Variants in PARP10 observed in about 807,000 individuals in gnomAD.
PARP10 encodes protein mono-ADP-ribosyltransferase PARP10.
A neutral mutation model predicts 82.4 loss-of-function variants in PARP10; 56 were observed. That is an observed-to-expected ratio of 0.68 (90% confidence interval 0.55 to 0.85). The LOEUF is 0.85. PARP10 is among the 40% of genes least tolerant of loss of function. The pLI, the probability that PARP10 is intolerant of heterozygous loss-of-function variation, is 0.00. For missense variants in PARP10, 1,227 were observed against 1,379.4 expected (o/e 0.89, Z 1.75); for synonymous variants, 576 against 601.1 (o/e 0.96, Z 0.61).
At chr8:143,990,573 A>T (rs1270641681), upstream of PARP10, 21 of 104,306 alleles carry the variant, frequency 2.0e-4, no homozygotes, top group African/African-American at 7.7e-4. The surrounding 1 kb of genome is among the most constrained non-coding windows in gnomAD (Gnocchi z 5.6). Context: ...TCCATCCCCC[A>T]CACACCCCCG....
At chr8:144,003,962 G>A (rs1834219095) in intron 1 of PARP10, among the ~76,000 whole-genome samples, 1 of 151,992 alleles carries the variant, frequency 6.6e-6, no homozygotes, top group Admixed American at 6.6e-5. Flanking sequence ...TTGTGCCTGG[G>A]AGGCCGAGGC....
At chr8:143,986,305 A>C (rs782533879) in intron 1 of PARP10, 53 bp downstream of exon 1, 10 of 1,613,954 alleles carry the variant, frequency 6.2e-6, no homozygotes, top group Non-Finnish European at 8.5e-6. Flanking sequence ...GGCCCCTCCA[A>C]GGTGTGTCCT....
At chr8:143,985,382 G>C (rs782149106) in intron 4 of PARP10, 30 bp downstream of exon 4, 11 of 1,594,762 alleles carry the variant, frequency 6.9e-6, no homozygotes, top group Non-Finnish European at 9.4e-6. Flanking sequence ...GGAGAGGGAC[G>C]GTCGGCTGGG....
chr8:143,998,994 T>G (rs1156905520), intron 1 of PARP10, among the ~76,000 whole-genome samples: 1 of 113,124 alleles, frequency 8.8e-6, no homozygotes, highest in Non-Finnish European at 1.6e-5. Flanking sequence ...TAATTCTTTC[T>G]CCTTCCTTCC....
rs763400471 is a variant in PARP10, at chr8:144,005,891, C to T, written c.-80+6639G>A. 9.2e-5 allele frequency among the ~76,000 whole-genome samples: 14 copies of T among 152,166 alleles called. 1 individual carries two copies. The highest frequency in any genetic ancestry group is 1.9e-4 in the Non-Finnish European group (13 of 68,026). ...CCCGTCCCCTCCTCCACCTTCCGCA[C>T]GGAGCACAGACCACCACCACATTGA... On this transcript the variant is annotated intron_variant, in intron 1 of 3. Transcript: ENST00000530478.
chr8:143,991,016 G>A (rs1834083637), upstream of PARP10: 1 of 389,992 alleles, frequency 2.6e-6, no homozygotes, highest in Non-Finnish European at 4.6e-6. Context: ...CCACGGCGCC[G>A]CCCGTCCGGT....
At chr8:144,004,920 T>C (rs1834224502) in intron 1 of PARP10, among the ~76,000 whole-genome samples, 1 of 152,104 alleles carries the variant, frequency 6.6e-6, no homozygotes, top group African/African-American at 2.4e-5. Context: ...GGCTCATGCC[T>C]GTAATCCCAG....
rs567152229 is a variant in PARP10, at chr8:143,983,465, C to T, written c.2124G>A (p.Gln708=). ...GCTCAAAGGCCGAGTGCACCACCAG[C>T]TGGGCCTTGCCATCAGTCCCCCCAT... The part of the protein sequence containing the change: ...PPDGGTDGKA[Q]LVVHSAFEQD... The change falls in exon 8 of 11, where the codon CAG becomes CAA. Residue 708 remains glutamine, a synonymous_variant. Coordinates refer to ENST00000313028, the MANE Select transcript of PARP10 (RefSeq NM_032789.5). 50 of 1,606,748 alleles carry T rather than the reference C, an allele frequency of 3.1e-5. No homozygotes were observed. In the South Asian group the frequency reaches 5.0e-4, roughly 16 times the overall value.
chr8:143,985,988 G>A lies in PARP10; in HGVS notation c.182-13C>T, dbSNP rs367847333. The A allele has an allele frequency of 6.3e-7, 1 of 1,595,732 alleles. No homozygotes were observed. Among genetic ancestry groups the A allele is most frequent in the African/African-American group, 1.3e-5 (1 of 74,724 alleles). The stretch of plus-strand genomic sequence containing the variant: ...ACCCTCTCGGCGTCTGTGGGCAGGG[G>A]CGGGGCAGGATGTCAGGCATTAGAA... On this transcript the variant is annotated splice_polypyrimidine_tract_variant and intron_variant, in intron 2 of 10. Transcript: ENST00000313028.
In PARP10 at chr8:143,983,829, C is replaced by T; in HGVS notation, c.1778-18G>A. ...GACCTCCTCTGGGGGCAGGGAGAGGCCATTGGGTCAGGGGCTGGACCCAGG... is the reference window on the plus strand; with the variant it reads ...GACCTCCTCTGGGGGCAGGGAGAGGTCATTGGGTCAGGGGCTGGACCCAGG... On this transcript the variant is annotated intron_variant, in intron 7 of 10. Transcript: ENST00000313028. 1.9e-6 allele frequency: 3 copies of T among 1,557,274 alleles called. No homozygotes were observed. Among genetic ancestry groups the T allele is most frequent in the Non-Finnish European group, 2.6e-6 (3 of 1,150,906 alleles).
Position 143,986,143 on chromosome 8 carries a change from A to C in PARP10, c.93T>G (p.Phe31Leu), listed in dbSNP as rs1564253944. Reference sequence around the variant, plus strand: ...CCCCTCCAGAGCGTCGGCGGTTTTCAAAGTAGAGAGTGAGCAGCTCGTCGG... The same window carrying C: ...CCCCTCCAGAGCGTCGGCGGTTTTCCAAGTAGAGAGTGAGCAGCTCGTCGG... ...AVPDELLTLY[F>L]ENRRRSGGGP... The change falls in exon 2 of 11, where the codon TTT becomes TTG. Residue 31 changes from phenylalanine (F) to leucine (L), a missense_variant. Physicochemically the swap from Phe to Leu is conservative, Grantham distance 22. Transcript: ENST00000313028. The C allele has an allele frequency of 6.2e-7, 1 of 1,613,802 alleles. No individual in the cohort carries two copies. Among genetic ancestry groups the C allele is most frequent in the Admixed American group, 1.7e-5 (1 of 60,006 alleles).
chr8:143,992,236 C>T, upstream of PARP10: 1 of 1,604,050 alleles, frequency 6.2e-7, no homozygotes, highest in South Asian at 1.1e-5. Flanking sequence ...CTGTGTCTCC[C>T]AACTGCAGTC....
rs782309319 is a variant in PARP10 at position 143,984,114 on chromosome 8, G to C, written c.1681-10C>G. Reference sequence around the variant, plus strand: ...CCTCGGTAGGGTCCACCTGTAGGGAGAGGATGTCAGGACCACTAGCCTCTG... The same window carrying C: ...CCTCGGTAGGGTCCACCTGTAGGGACAGGATGTCAGGACCACTAGCCTCTG... On this transcript the variant is annotated splice_polypyrimidine_tract_variant and intron_variant, in intron 6 of 10. Transcript: ENST00000313028. The C allele has an allele frequency of 1.3e-6, 2 of 1,558,874 alleles. No individual in the cohort carries two copies. The highest frequency in any genetic ancestry group is 1.7e-6 in the Non-Finnish European group (2 of 1,151,298).
chr8:143,990,597 C>G (rs1834074058), upstream of PARP10: 1 of 152,330 alleles, frequency 6.6e-6, no homozygotes, highest in Non-Finnish European at 1.5e-5. This position sits in a 1 kb window ranked among gnomAD's most constrained non-coding sequence, Gnocchi z 5.6. Context: ...CCCGCTGTTC[C>G]CGGCGTACCC....
At chr8:144,004,012 G>GCAA (rs1277619421) in intron 1 of PARP10, among the ~76,000 whole-genome samples, 2 of 151,946 alleles carry the variant, frequency 1.3e-5, no homozygotes, top group Non-Finnish European at 1.5e-5. Context: ...TCCAGCCTGG[G>GCAA]CAACAACAAC....
At chr8:144,000,536 A>G (rs1554751621) in intron 1 of PARP10, among the ~76,000 whole-genome samples, 2 of 152,174 alleles carry the variant, frequency 1.3e-5, no homozygotes, top group Non-Finnish European at 2.9e-5. Context: ...ATGCTAATAA[A>G]CTAATATACC....
intron 1 of PARP10, among the ~76,000 whole-genome samples, chr8:143,996,800 G>T (rs1233201874): frequency 1.3e-5 from 2 of 152,216 alleles, no homozygotes; most frequent in Non-Finnish European, 2.9e-5. Flanking sequence ...AGAAGAAGGA[G>T]AGGACGCATG....
chr8:143,986,976 A>C (rs1554749535), upstream of PARP10: 1 of 155,966 alleles, frequency 6.4e-6, no homozygotes, highest in Admixed American at 6.4e-5. Context: ...GCATTGCAGC[A>C]CAGCCTTCCT....
Position 143,986,251 on chromosome 8 carries a change from G to T in PARP10, c.3-18C>A. On this transcript the variant is annotated intron_variant, in intron 1 of 10. Coordinates refer to ENST00000313028, the MANE Select transcript of PARP10 (RefSeq NM_032789.5). Reference sequence around the variant, plus strand: ...TTGCAACCCTGGGACGGGGCATCAGGTGGGTAGGGAAACAGCCCATTCCAC... The same window carrying T: ...TTGCAACCCTGGGACGGGGCATCAGTTGGGTAGGGAAACAGCCCATTCCAC... The T allele has an allele frequency of 6.2e-7, 1 of 1,613,806 alleles. No homozygotes were observed. The highest frequency in any genetic ancestry group is 8.5e-7 in the Non-Finnish European group (1 of 1,179,724).
Sources: gnomAD v4.1 joint callset for allele counts (sites outside exome capture counted in the v4.1 genomes callset) on GRCh38, gnomAD v4.1.1 for gene constraint, Gnocchi (gnomAD v3.1) non-coding constraint, MANE v1.5 for transcripts, NCBI Gene and HGNC (gene_info 2026-07-23, HGNC 2026-07-21) for gene names.